The following PLXNA4 variants were observed in gnomAD, a reference collection of about 807,000 sequenced individuals.
PLXNA4 encodes the protein plexin-A4.
A neutral mutation model predicts 191.8 loss-of-function variants in PLXNA4; 44 were observed. The observed-to-expected ratio is 0.23, with a 90% CI of 0.18 to 0.29. The LOEUF (loss-of-function observed/expected upper bound fraction) is 0.29, where lower values mean the gene tolerates loss of function less well. PLXNA4 is among the 10% of genes least tolerant of loss of function. PLXNA4 has a pLI of 1.00. For missense variants in PLXNA4, 1,800 were observed against 2,488.8 expected (o/e 0.72, Z 5.89); for synonymous variants, 1,082 against 1,009.5 (o/e 1.07, Z -1.36).
At chr7:132,257,658 G>A (rs898439307) in intron 4 of PLXNA4, among the ~76,000 whole-genome samples, 24 of 152,202 alleles carry the variant, frequency 1.6e-4, no homozygotes, top group African/African-American at 5.5e-4. Flanking sequence ...GCCCACAGGT[G>A]GGCCAATTCT....
rs777575896 is a variant in PLXNA4, at chr7:132,145,148, C to A, written c.5196G>T (p.Pro1732=). 2 of 1,614,082 alleles carry A rather than the reference C, an allele frequency of 1.2e-6. No homozygotes were observed. Among genetic ancestry groups the A allele is most frequent in the African/African-American group, 1.3e-5 (1 of 75,022 alleles). ...EQADKHGIHD[P]HVRHTWKSNC... is the part of the protein sequence containing the mutation. ...TGCTCTTCCAGGTATGGCGGACGTG[C>A]GGGTCATGAATGCCATGTTTATCAG... The change falls in exon 29 of 32, where the codon CCG becomes CCT. Residue 1732 remains proline, a synonymous_variant. Transcript: ENST00000321063.
chr7:132,328,691 C>T (rs1802471459), intron 3 of PLXNA4, among the ~76,000 whole-genome samples: 1 of 152,224 alleles, frequency 6.6e-6, no homozygotes, highest in African/African-American at 2.4e-5. Context: ...GGCTTGGTCT[C>T]TGCCCAGGAG....
chr7:132,316,435 C>T (rs777803257), intron 3 of PLXNA4, among the ~76,000 whole-genome samples: 2 of 152,174 alleles, frequency 1.3e-5, no homozygotes, highest in Non-Finnish European at 2.9e-5. Flanking sequence ...TAGCACTTTA[C>T]GGATCAAGTC....
intron 2 of PLXNA4, among the ~76,000 whole-genome samples, chr7:132,596,257 G>T (rs575566355): frequency 1.8e-4 from 27 of 152,314 alleles, no homozygotes; most frequent in South Asian, 1.2e-3. Context: ...AGAAATGGCT[G>T]CCATCTTGAC....
At chr7:132,146,837 C>T in intron 27 of PLXNA4, 137 bp from the exon 28 acceptor site, 2 of 1,479,038 alleles carry the variant, frequency 1.4e-6, no homozygotes, top group African/African-American at 1.4e-5. Context: ...TGTCACCTTG[C>T]CTTGGTTTGG....
At chr7:132,228,980 T>G (rs1798431049) in intron 5 of PLXNA4, among the ~76,000 whole-genome samples, 1 of 152,168 alleles carries the variant, frequency 6.6e-6, no homozygotes, top group Non-Finnish European at 1.5e-5. Context: ...CTAGGCAAAG[T>G]GAAGAGCTTC....
intron 1 of PLXNA4, among the ~76,000 whole-genome samples, chr7:132,527,539 C>CAAAAAAAAAAA (rs34598256): frequency 5.0e-5 from 3 of 59,714 alleles, no homozygotes; most frequent in African/African-American, 6.3e-5. Flanking sequence ...GAAACAGACT[C>CAAAAAAAAAAA]AAAAAAAAAA....
intron 3 of PLXNA4, among the ~76,000 whole-genome samples, chr7:132,411,403 T>C (rs1234849907): frequency 2.0e-5 from 3 of 152,174 alleles, no homozygotes; most frequent in African/African-American, 7.2e-5. Flanking sequence ...CCATAGCTGA[T>C]GAAGGGTATG....
intron 3 of PLXNA4, among the ~76,000 whole-genome samples, chr7:132,443,429 C>A (rs1467563361): frequency 6.6e-6 from 1 of 152,178 alleles, no homozygotes; most frequent in Non-Finnish European, 1.5e-5. Context: ...TGCCGATACT[C>A]TGTACAGTTT....
intron 1 of PLXNA4, among the ~76,000 whole-genome samples, chr7:132,550,454 G>A (rs1800511987): frequency 6.6e-6 from 1 of 152,212 alleles, no homozygotes; most frequent in Admixed American, 6.5e-5. Flanking sequence ...CCTCTTCCAG[G>A]CTAGGATTAA....
intron 4 of PLXNA4, among the ~76,000 whole-genome samples, chr7:132,261,408 G>A (rs1799639738): frequency 6.6e-6 from 1 of 152,238 alleles, no homozygotes; most frequent in Non-Finnish European, 1.5e-5. Context: ...GTGCACATGT[G>A]GGAGTGCCAG....
At chr7:132,389,748 T>C (rs951760436) in intron 3 of PLXNA4, among the ~76,000 whole-genome samples, 1 of 152,240 alleles carries the variant, frequency 6.6e-6, no homozygotes, top group Non-Finnish European at 1.5e-5. Context: ...CTTGGCTATG[T>C]GGGCTCTTTT....
intron 3 of PLXNA4, among the ~76,000 whole-genome samples, chr7:132,319,529 A>T (rs554946337): frequency 6.6e-6 from 1 of 151,890 alleles, no homozygotes; most frequent in Non-Finnish European, 1.5e-5. Context: ...CCTACTCTAG[A>T]TCTGTTCTCA....
At chr7:132,296,046 G>A (rs773401109) in intron 4 of PLXNA4, among the ~76,000 whole-genome samples, 30 of 152,198 alleles carry the variant, frequency 2.0e-4, no homozygotes, top group Non-Finnish European at 3.8e-4. Flanking sequence ...TCATTGCACT[G>A]TTCTACAAAT....
chr7:132,154,040 G>T (rs1795721463), intron 25 of PLXNA4, among the ~76,000 whole-genome samples: 1 of 152,146 alleles, frequency 6.6e-6, no homozygotes, highest in Non-Finnish European at 1.5e-5. Flanking sequence ...AGTCCACGCA[G>T]GACCACCTTC....
chr7:132,186,700 T>C (rs1270267412), intron 15 of PLXNA4, among the ~76,000 whole-genome samples: 1 of 152,240 alleles, frequency 6.6e-6, no homozygotes, highest in African/African-American at 2.4e-5. Context: ...TAACGGACCC[T>C]ATCTTGCTTT....
chr7:132,304,304 C>T (rs190759019), intron 3 of PLXNA4, among the ~76,000 whole-genome samples: 151 of 152,258 alleles, frequency 9.9e-4, no homozygotes, highest in Non-Finnish European at 1.9e-3. Context: ...CTGCAGGCCT[C>T]ACCTCAGCCC....
intron 3 of PLXNA4, among the ~76,000 whole-genome samples, chr7:132,469,508 T>A (rs139622914): frequency 6.6e-6 from 1 of 152,342 alleles, no homozygotes; most frequent in Admixed American, 6.5e-5. Flanking sequence ...GGAAGTGAGT[T>A]CTGTTTCTCA....
intron 24 of PLXNA4, among the ~76,000 whole-genome samples, chr7:132,163,627 C>T (rs567949711): frequency 2.6e-5 from 4 of 152,292 alleles, no homozygotes; most frequent in South Asian, 2.1e-4. Context: ...GGGATCCCCA[C>T]GTTCCTTCAA....
Sources: gnomAD v4.1 joint callset for allele counts (sites outside exome capture counted in the v4.1 genomes callset) on GRCh38, gnomAD v4.1.1 for gene constraint, MANE v1.5 for transcripts, NCBI Gene and HGNC (gene_info 2026-07-23, HGNC 2026-07-21) for gene names.